The following FGF10 variants were observed in gnomAD, a reference collection of about 807,000 sequenced individuals.
FGF10 encodes the protein FGF-10.
A neutral mutation model predicts 19.8 loss-of-function variants in FGF10; 2 were observed. That is an observed-to-expected ratio of 0.10 (90% confidence interval 0.04 to 0.32). The LOEUF (loss-of-function observed/expected upper bound fraction) is 0.32. Ranked by LOEUF, FGF10 falls within the 10% of genes least tolerant of loss-of-function variation. The pLI is 1.00. For synonymous variants in FGF10, 112 were observed against 94.0 expected (o/e 1.19, Z -1.10); for missense variants, 191 against 246.3 (o/e 0.78, Z 1.50).
intron 1 of FGF10, among the ~76,000 whole-genome samples, chr5:44,352,300 A>G (rs1472270411): frequency 6.6e-6 from 1 of 151,656 alleles, no homozygotes; most frequent in Non-Finnish European, 1.5e-5. Flanking sequence ...TTGCTTGTAC[A>G]CAATGCAAAA....
chr5:44,372,074 C>T (rs554331709), intron 1 of FGF10, among the ~76,000 whole-genome samples: 4 of 152,222 alleles, frequency 2.6e-5, no homozygotes, highest in South Asian at 2.1e-4. Flanking sequence ...CTTAAAGCAA[C>T]GGAAATTTAT....
chr5:44,365,512 G>A (rs1741587165), intron 1 of FGF10, among the ~76,000 whole-genome samples: 1 of 151,770 alleles, frequency 6.6e-6, no homozygotes, highest in African/African-American at 2.4e-5. Context: ...TCCTATTGCA[G>A]TCTGAGCCAT....
At chr5:44,374,741 A>C (rs1741815991) in intron 1 of FGF10, among the ~76,000 whole-genome samples, 1 of 152,148 alleles carries the variant, frequency 6.6e-6, no homozygotes, top group Admixed American at 6.5e-5. Context: ...CCATAAACAC[A>C]ACTCTGAAAC....
rs531861636 is a variant in FGF10, at chr5:44,387,095, G to T, written c.325+1263C>A. Among the ~76,000 whole-genome samples, 4 of 152,180 alleles carry T rather than the reference G, an allele frequency of 2.6e-5. No homozygotes were observed. In the East Asian group the frequency reaches 7.7e-4, roughly 29 times the overall value. ...GAGATAATGCCAAATGGTCACTAAA[G>T]ATGTTTAAACATCATTGTCTACTGT... On this transcript the variant is annotated intron_variant, in intron 1 of 2. Coordinates refer to ENST00000264664, the MANE Select transcript of FGF10 (RefSeq NM_004465.2).
chr5:44,323,747 G>T (rs1247960042), intron 1 of FGF10, among the ~76,000 whole-genome samples: 1 of 152,108 alleles, frequency 6.6e-6, no homozygotes, highest in Non-Finnish European at 1.5e-5. Flanking sequence ...TGATAGAAAA[G>T]ACCAGAAATT....
intron 1 of FGF10, among the ~76,000 whole-genome samples, chr5:44,367,035 AAAAT>A (rs1352741500): frequency 1.3e-5 from 2 of 152,080 alleles, no homozygotes; most frequent in Non-Finnish European, 2.9e-5. Context: ...GCAAGAAAAT[AAAAT>A]AAATAGTGTT....
At chr5:44,363,412 G>A (rs994908876) in intron 1 of FGF10, among the ~76,000 whole-genome samples, 1 of 151,756 alleles carries the variant, frequency 6.6e-6, no homozygotes. Flanking sequence ...TGAAGCAACA[G>A]GACTCAGCCA....
chr5:44,307,589 T>G (rs779222124), intron 2 of FGF10, among the ~76,000 whole-genome samples: 1 of 152,174 alleles, frequency 6.6e-6, no homozygotes, highest in South Asian at 2.1e-4. Flanking sequence ...AGAATAGATA[T>G]AAAACTGGTT....
intron 1 of FGF10, among the ~76,000 whole-genome samples, chr5:44,370,131 T>A (rs1022079919): frequency 1.3e-5 from 2 of 152,246 alleles, no homozygotes; most frequent in African/African-American, 4.8e-5. Context: ...AGACCCAAGT[T>A]TGAGAAATAT....
chr5:44,345,857 C>T lies in FGF10; in HGVS notation c.326-35327G>A, dbSNP rs1011376107. Among the ~76,000 whole-genome samples the T allele has an allele frequency of 3.3e-5, 5 of 151,880 alleles. 1 individual carries two copies. The East Asian group carries it at 9.8e-4, about 30-fold the overall frequency. On this transcript the variant is annotated intron_variant, in intron 1 of 2. Transcript: ENST00000264664. ...CTAAGTCATTTTTCTGTTTTCTTCT[C>T]TTGCTCTACTCAGTATGAAAATATT...
intron 1 of FGF10, among the ~76,000 whole-genome samples, chr5:44,310,843 A>G (rs577186010): frequency 3.3e-5 from 5 of 152,140 alleles, no homozygotes; most frequent in Non-Finnish European, 7.4e-5. Flanking sequence ...TTTCAACCCT[A>G]TAAATATTGA....
At chr5:44,371,321 G>A (rs758429629) in intron 1 of FGF10, among the ~76,000 whole-genome samples, 14 of 152,058 alleles carry the variant, frequency 9.2e-5, no homozygotes, top group East Asian at 1.9e-4. Flanking sequence ...CAACAGATGC[G>A]GCTCCATGAC....
chr5:44,388,221 GA>G lies in FGF10; in HGVS notation c.325+136del, dbSNP rs1027704048. 2.7e-4 allele frequency: 232 copies of G among 843,982 alleles called. No homozygotes were observed. In the Middle Eastern group the frequency reaches 3.3e-3, roughly 12 times the overall value. 52.3% of individuals were successfully genotyped at this position (843,982 alleles called of 1,614,324 possible). A position where few individuals can be genotyped will look rare whatever the true frequency, so the allele number is the denominator to read the frequency against. On this transcript the variant is annotated intron_variant, in intron 1 of 2. Transcript: ENST00000264664. ...CGGGGGTTGGGGGGTGAATTAGTGTGAAAGTATTCCACTTAATCATTTTACA... is the reference window on the plus strand; with the variant it reads ...CGGGGGTTGGGGGGTGAATTAGTGTGAAGTATTCCACTTAATCATTTTACA...
chr5:44,350,956 T>C (rs1190290489), intron 1 of FGF10, among the ~76,000 whole-genome samples: 2 of 151,444 alleles, frequency 1.3e-5, no homozygotes, highest in Admixed American at 6.6e-5. Context: ...ATAATTATTA[T>C]ATTTCACATG....
chr5:44,375,224 TCAA>T (rs1201874884), intron 1 of FGF10, among the ~76,000 whole-genome samples: 17 of 152,192 alleles, frequency 1.1e-4, no homozygotes. Flanking sequence ...GTTCTCACTC[TCAA>T]CAAGTTTTCT....
At chr5:44,321,532 C>T (rs1308349627) in intron 1 of FGF10, among the ~76,000 whole-genome samples, 3 of 152,160 alleles carry the variant, frequency 2.0e-5, no homozygotes, top group African/African-American at 7.2e-5. Context: ...AGAGTAGCTG[C>T]CGTGACTAAA....
chr5:44,388,282 C>T (rs977061975), intron 1 of FGF10, 76 bp downstream of exon 1: 3 of 1,393,488 alleles, frequency 2.2e-6, no homozygotes, highest in African/African-American at 1.4e-5. Flanking sequence ...CTGGCCACAT[C>T]TGGAACAGAT....
chr5:44,318,673 C>T (rs1249874938), intron 1 of FGF10, among the ~76,000 whole-genome samples: 1 of 152,114 alleles, frequency 6.6e-6, no homozygotes, highest in Non-Finnish European at 1.5e-5. Flanking sequence ...ATCCAGAATG[C>T]AAAATAATGT....
intron 1 of FGF10, among the ~76,000 whole-genome samples, chr5:44,325,893 A>ATATTTG (rs1740604542): frequency 6.6e-6 from 1 of 152,204 alleles, no homozygotes; most frequent in Admixed American, 6.5e-5. Flanking sequence ...AAAAAAAGAA[A>ATATTTG]AGATATATTT....
Sources: allele counts gnomAD v4.1 joint callset (sites outside exome capture counted in the v4.1 genomes callset), GRCh38; gene constraint gnomAD v4.1.1; transcripts MANE v1.5; gene names NCBI Gene and HGNC (gene_info 2026-07-23, HGNC 2026-07-21).